The following TXNRD2 variants were observed in gnomAD, a reference collection of about 807,000 sequenced individuals.
TXNRD2 encodes thioredoxin reductase 2, also known as thioredoxin reductase 2, mitochondrial.
A neutral mutation model predicts 70.8 loss-of-function variants in TXNRD2; 67 were observed. The ratio of observed to expected loss-of-function variants is 0.95; its 90% CI spans 0.78 to 1.16. TXNRD2 has a LOEUF of 1.16. TXNRD2 is among the 50% of genes most tolerant of loss of function. The pLI is 0.00. For synonymous variants in TXNRD2, 301 were observed against 295.8 expected (o/e 1.02, Z -0.18); for missense variants, 644 against 719.9 (o/e 0.89, Z 1.21).
chr22:19,877,282 G>T, intron 16 of TXNRD2, 48 bp from the exon 17 acceptor site: 2 of 1,532,154 alleles, frequency 1.3e-6, no homozygotes, highest in Non-Finnish European at 9.0e-7. Context: ...ACAGGGAGGG[G>T]GGTCCACAGC....
At chr22:19,926,729 C>T (rs1388665129) in intron 2 of TXNRD2, among the ~76,000 whole-genome samples, 3 of 151,868 alleles carry the variant, frequency 2.0e-5, no homozygotes, top group East Asian at 2.0e-4. Context: ...TGCAGTGAGC[C>T]GAGATGGTGC....
intron 8 of TXNRD2, among the ~76,000 whole-genome samples, chr22:19,908,728 G>T (rs2146011439): frequency 6.6e-6 from 1 of 152,320 alleles, no homozygotes; most frequent in Middle Eastern, 3.4e-3. Flanking sequence ...GGCAACTTGG[G>T]TGTCCACTGA....
intron 1 of TXNRD2, among the ~76,000 whole-genome samples, chr22:19,931,660 C>T (rs564162168): frequency 3.3e-5 from 5 of 152,254 alleles, no homozygotes; most frequent in African/African-American, 7.2e-5. Flanking sequence ...CCGATCACCA[C>T]GTCCAGCTAA....
intron 12 of TXNRD2, among the ~76,000 whole-genome samples, 158 bp downstream of exon 12, chr22:19,883,167 G>A (rs1040143065): frequency 3.3e-5 from 5 of 152,268 alleles, no homozygotes; most frequent in Non-Finnish European, 7.3e-5. Context: ...GGTTGCCCCA[G>A]AACTCCAGAC....
intron 8 of TXNRD2, among the ~76,000 whole-genome samples, chr22:19,901,427 T>C (rs1266595507): frequency 6.6e-6 from 1 of 152,200 alleles, no homozygotes; most frequent in Non-Finnish European, 1.5e-5. Flanking sequence ...CTTGACCCTA[T>C]GTGTTCGGCT....
rs148625932 is a variant in TXNRD2, at chr22:19,877,767, T to C, written c.1445+323A>G. Among the ~76,000 whole-genome samples the C allele has an allele frequency of 5.7e-3, 863 of 152,284 alleles. 8 individuals are homozygous for C. Among genetic ancestry groups the C allele is most frequent in the African/African-American group, 0.02 (835 of 41,548 alleles). On this transcript the variant is annotated intron_variant, in intron 16 of 17. Transcript: ENST00000400521. Reference sequence around the variant, plus strand: ...AGCTCCAGAAGACACACAGCAGCCCTGGGGTGGCTCTCCAGGTACTGGCAC... The same window carrying C: ...AGCTCCAGAAGACACACAGCAGCCCCGGGGTGGCTCTCCAGGTACTGGCAC...
intron 1 of TXNRD2, among the ~76,000 whole-genome samples, chr22:19,939,702 C>T (rs1941637445): frequency 6.6e-6 from 1 of 152,136 alleles, no homozygotes; most frequent in Non-Finnish European, 1.5e-5. Flanking sequence ...GGACATGCAC[C>T]TGGTTGTATC....
At chr22:19,892,092 AG>A (rs1379824194) in intron 11 of TXNRD2, among the ~76,000 whole-genome samples, 2 of 152,262 alleles carry the variant, frequency 1.3e-5, no homozygotes, top group Admixed American at 1.3e-4. Context: ...GTCGGAGCCC[AG>A]CTTGTGCGGA....
At chr22:19,926,810 G>A (rs759678391) in intron 2 of TXNRD2, among the ~76,000 whole-genome samples, 1 of 152,164 alleles carries the variant, frequency 6.6e-6, no homozygotes, top group South Asian at 2.1e-4. Flanking sequence ...CCAAAAAACA[G>A]CTGAAATGTC....
At chr22:19,928,978 C>G in intron 2 of TXNRD2, among the ~76,000 whole-genome samples, 1 of 148,078 alleles carries the variant, frequency 6.8e-6, no homozygotes, top group Non-Finnish European at 1.5e-5. Flanking sequence ...TGCACTCCAG[C>G]CTGGGTGACA....
chr22:19,928,781 C>T (rs113291654), intron 2 of TXNRD2, among the ~76,000 whole-genome samples: 5,583 of 151,294 alleles, frequency 0.037, 359 homozygotes, highest in African/African-American at 0.13. Flanking sequence ...CCGAGGCAGG[C>T]GGATCCCTTG....
At chr22:19,900,354 C>T (rs1471755442) in intron 8 of TXNRD2, among the ~76,000 whole-genome samples, 2 of 152,202 alleles carry the variant, frequency 1.3e-5, no homozygotes, top group Non-Finnish European at 1.5e-5. Flanking sequence ...CACACATAGG[C>T]ACCACATACA....
Position 19,941,795 on chromosome 22 carries a change from T to TGCCGCCATC in TXNRD2, c.-1_8dup (p.Ala3_Ala5dup). On this transcript the variant is annotated inframe_insertion, in exon 1 of 18. Transcript: ENST00000400521. ...CTAATCCCCGCAGCGCCACCGCCAT[T>TGCCGCCATC]GCCGCCATCGTCGTGGGGCTTCTGG... 3 of 1,522,420 alleles carry TGCCGCCATC rather than the reference T, an allele frequency of 2.0e-6. No homozygotes were observed. The highest frequency in any genetic ancestry group is 1.4e-5 in the African/African-American group (1 of 69,416). The allele number at this position is 1,522,420 out of a possible 1,614,324, so 94.3% of individuals were successfully genotyped here. A position where few individuals can be genotyped will look rare whatever the true frequency, so the allele number is the denominator to read the frequency against.
chr22:19,887,331 G>A (rs1319037865), intron 11 of TXNRD2: 2 of 152,362 alleles, frequency 1.3e-5, no homozygotes, highest in African/African-American at 4.8e-5. Flanking sequence ...CACCAGCTCT[G>A]TGTTCCTTGT....
chr22:19,931,990 C>G (rs1941379469), intron 1 of TXNRD2, among the ~76,000 whole-genome samples: 1 of 151,634 alleles, frequency 6.6e-6, no homozygotes, highest in South Asian at 2.1e-4. Context: ...GAAACCCCGT[C>G]TCTACTAAAA....
intron 8 of TXNRD2, among the ~76,000 whole-genome samples, chr22:19,909,955 A>T (rs1184581986): frequency 4.3e-5 from 6 of 141,098 alleles, no homozygotes; most frequent in Non-Finnish European, 7.6e-5. Flanking sequence ...ACACACACAC[A>T]CCACTCACAC....
At chr22:19,895,673 G>A in intron 10 of TXNRD2, 92 bp from the exon 11 acceptor site, 2 of 1,450,922 alleles carry the variant, frequency 1.4e-6, no homozygotes, top group East Asian at 2.3e-5. Context: ...TCAATGAAGG[G>A]CGGAGAGGGG....
At chr22:19,926,985 A>AT (rs140727592) in intron 2 of TXNRD2, among the ~76,000 whole-genome samples, 14,072 of 151,914 alleles carry the variant, frequency 0.093, 1,027 homozygotes, top group East Asian at 0.32. Flanking sequence ...TCATACATGG[A>AT]TTTTTTTTCA....
intron 11 of TXNRD2, among the ~76,000 whole-genome samples, chr22:19,886,398 C>T (rs1939035815): frequency 6.6e-6 from 1 of 152,258 alleles, no homozygotes. Context: ...TGCTGGACAG[C>T]CAATCAGGCG....
Sources: gnomAD v4.1 joint callset for allele counts (sites outside exome capture counted in the v4.1 genomes callset) on GRCh38, gnomAD v4.1.1 for gene constraint, MANE v1.5 for transcripts, NCBI Gene and HGNC (gene_info 2026-07-23, HGNC 2026-07-21) for gene names.